Variants in CEP350 observed in about 807,000 individuals in gnomAD.
CEP350 encodes centrosome-associated protein 350.
CEP350 carries 126 observed loss-of-function variants against 331.8 expected under a neutral mutation model. The observed-to-expected ratio is 0.38, with a 90% CI of 0.33 to 0.44. The LOEUF (loss-of-function observed/expected upper bound fraction) is 0.44. CEP350 is among the 20% of genes least tolerant of loss of function. The probability of loss-of-function intolerance (pLI) is 1.00; values close to 1 mark genes in which losing one functional copy is unlikely to be tolerated. For synonymous variants in CEP350, 1,200 were observed against 1,259.5 expected, an observed-to-expected ratio of 0.95 and a Z score of 1.00; for missense variants, 3,406 against 3,634.6, an observed-to-expected ratio of 0.94 and a Z score of 1.62.
Position 180,090,545 on chromosome 1 carries a change from CAA to C in CEP350, c.6426-145_6426-144del, listed in dbSNP as rs36128628. Among the ~76,000 whole-genome samples, 563 of 77,270 alleles carry C rather than the reference CAA, an allele frequency of 7.3e-3. 9 individuals are homozygous for C. The highest frequency in any genetic ancestry group is 0.068 in the South Asian group (142 of 2,094). The allele number at this position is 77,270 out of a possible 152,430, so 50.7% of individuals were successfully genotyped here. A position where few individuals can be genotyped will look rare whatever the true frequency, so the allele number is the denominator to read the frequency against. On this transcript the variant is annotated intron_variant, in intron 32 of 37. Transcript: ENST00000367607. ...TGGGCGACAGAGCGAGACTCCGTCT[CAA>C]AAAAAAAAAAAAAAAAAAAAAAAGA...
intron 24 of CEP350, 83 bp from the exon 25 acceptor site, chr1:180,054,332 T>C: frequency 8.7e-7 from 1 of 1,145,414 alleles, no homozygotes; most frequent in Middle Eastern, 1.9e-4. Flanking sequence ...TTGTAGACTT[T>C]TTAGTAGTCA....
intron 36 of CEP350, among the ~76,000 whole-genome samples, chr1:180,097,217 C>T (rs1660532255): frequency 2.6e-5 from 4 of 152,232 alleles, no homozygotes. Context: ...GGACCACAGC[C>T]ATACCTAGTT....
rs758048025 is a variant in CEP350, at chr1:180,019,991, G to A, written c.2217G>A (p.Leu739=). 6.2e-7 allele frequency: 1 copy of A among 1,612,432 alleles called. No individual in the cohort carries two copies. The highest frequency in any genetic ancestry group is 1.7e-5 in the Admixed American group (1 of 59,738). ...CTACATGGATGCAGCCTGAAAGATT[G>A]AGCCCACAAGTTCACCATTCTCAAC... ...MESTWMQPER[L]SPQVHHSQPQ... The change falls in exon 12 of 38, where the codon TTG becomes TTA. Residue 739 remains leucine, a synonymous_variant. Coordinates refer to ENST00000367607, the MANE Select transcript of CEP350 (RefSeq NM_014810.5).
At chr1:180,076,741 A>C (rs1485566792) in intron 28 of CEP350, among the ~76,000 whole-genome samples, 1 of 152,180 alleles carries the variant, frequency 6.6e-6, no homozygotes, top group African/African-American at 2.4e-5. Context: ...GTGAGCTAAG[A>C]TCATACCACT....
intron 13 of CEP350, 91 bp from the exon 14 acceptor site, chr1:180,024,328 C>A (rs1655525295): frequency 1.7e-6 from 2 of 1,171,480 alleles, no homozygotes; most frequent in Admixed American, 2.4e-5. Context: ...GTTATAGTCT[C>A]CTAGTGATTA....
intron 1 of CEP350, among the ~76,000 whole-genome samples, chr1:179,974,427 G>A (rs1651697701): frequency 6.6e-6 from 1 of 152,098 alleles, no homozygotes; most frequent in Admixed American, 6.6e-5. Context: ...TAATGCTGCC[G>A]TTTGTTCATC....
intron 1 of CEP350, among the ~76,000 whole-genome samples, chr1:179,977,630 C>T (rs1274958714): frequency 2.0e-5 from 3 of 152,030 alleles, no homozygotes; most frequent in Non-Finnish European, 4.4e-5. Context: ...GACAGTAAGC[C>T]TCAGAAAATA....
intron 22 of CEP350, 23 bp downstream of exon 22, chr1:180,048,728 G>A (rs369562086): frequency 1.3e-6 from 2 of 1,575,310 alleles, no homozygotes; most frequent in Non-Finnish European, 1.7e-6. Context: ...GCAAATAAAT[G>A]TGTAATCATT....
At position 180,084,009 on chromosome 1, in the gene CEP350, CTCTT is replaced by C; in HGVS notation, c.6125-6_6125-3del. The C allele has an allele frequency of 7.0e-7, 1 of 1,428,350 alleles. No individual in the cohort carries two copies. The highest frequency in any genetic ancestry group is 9.4e-7 in the Non-Finnish European group (1 of 1,067,470). 88.5% of individuals were successfully genotyped at this position (1,428,350 alleles called of 1,614,324 possible). A position where few individuals can be genotyped will look rare whatever the true frequency, so the allele number is the denominator to read the frequency against. On this transcript the variant is annotated splice_polypyrimidine_tract_variant and splice_region_variant and intron_variant, in intron 30 of 37. Coordinates refer to ENST00000367607, the MANE Select transcript of CEP350 (RefSeq NM_014810.5). ...AAATTATAAATAAAAGATTTTGTAT[CTCTT>C]TCAGAAACTACATCTGACCAGAGTG...
At chr1:179,966,972 C>T (rs1030561342) in intron 1 of CEP350, among the ~76,000 whole-genome samples, 23 of 152,108 alleles carry the variant, frequency 1.5e-4, no homozygotes, top group African/African-American at 5.3e-4. Context: ...ACTTCTGACA[C>T]CATCTATTAA....
Position 180,014,352 on chromosome 1 carries a change from C to T in CEP350, c.1899C>T (p.Tyr633=), listed in dbSNP as rs369264051. 9.9e-5 allele frequency: 157 copies of T among 1,591,710 alleles called. No homozygotes were observed. The highest frequency in any genetic ancestry group is 1.3e-4 in the Non-Finnish European group (148 of 1,168,704). ...EQKNKRLQEL[Y]RKQKEAFTKV... ...AAAACAAACGATTACAAGAGCTCTACCGGAAGCAGAAGGAAGCCTTTACTA... is the reference window on the plus strand; with the variant it reads ...AAAACAAACGATTACAAGAGCTCTATCGGAAGCAGAAGGAAGCCTTTACTA... The change falls in exon 10 of 38, where the codon TAC becomes TAT. Residue 633 remains tyrosine, a synonymous_variant. Transcript: ENST00000367607.
chr1:180,094,660 C>T, intron 34 of CEP350, 44 bp downstream of exon 34: 1 of 1,561,800 alleles, frequency 6.4e-7, no homozygotes, highest in South Asian at 1.2e-5. Context: ...CCTTTTGACA[C>T]TTTTAACAAG....
At chr1:180,099,435 C>T (rs1369384570) in intron 37 of CEP350, among the ~76,000 whole-genome samples, 2 of 152,174 alleles carry the variant, frequency 1.3e-5, no homozygotes, top group Non-Finnish European at 2.9e-5. Context: ...AATAGTTCCT[C>T]ATATACAACT....
intron 25 of CEP350, 90 bp downstream of exon 25, chr1:180,054,592 A>G (rs1657702444): frequency 4.6e-6 from 4 of 874,626 alleles, no homozygotes; most frequent in African/African-American, 1.7e-5. Flanking sequence ...TTTCCTTATC[A>G]TTGCCTTAAA....
intron 36 of CEP350, among the ~76,000 whole-genome samples, chr1:180,097,551 G>GT (rs998244502): frequency 2.0e-5 from 3 of 151,984 alleles, no homozygotes; most frequent in African/African-American, 4.8e-5. Context: ...TAAGAACATT[G>GT]TTTTTTTAAC....
At position 180,094,212 on chromosome 1, in the gene CEP350, G is replaced by A; in HGVS notation, c.8107G>A (p.Glu2703Lys). 6.2e-7 allele frequency: 1 copy of A among 1,613,260 alleles called. No individual in the cohort carries two copies. Among genetic ancestry groups the A allele is most frequent in the South Asian group, 1.1e-5 (1 of 90,976 alleles). ...ELEKQQQFTE[E>K]EDNLYAEASE... The stretch of plus-strand genomic sequence containing the variant: ...GGAGAAGCAACAGCAGTTTACAGAA[G>A]AGGAAGACAACCTATATGCTGAAGC... Residue 2703 changes from glutamate (E) to lysine (K), a missense_variant, in exon 34 of 38, where the codon GAG becomes AAG. Physicochemically the swap from Glu to Lys is moderately conservative, Grantham distance 56. Coordinates refer to ENST00000367607, the MANE Select transcript of CEP350 (RefSeq NM_014810.5).
At chr1:179,989,535 G>A (rs1652900102) in intron 3 of CEP350, among the ~76,000 whole-genome samples, 2 of 150,096 alleles carry the variant, frequency 1.3e-5, no homozygotes, top group Non-Finnish European at 3.0e-5. Context: ...TATATAAAAT[G>A]TCTATATGTG....
intron 1 of CEP350, among the ~76,000 whole-genome samples, chr1:179,985,287 A>G (rs2148662500): frequency 6.6e-6 from 1 of 152,302 alleles, no homozygotes; most frequent in African/African-American, 2.4e-5. Flanking sequence ...TTCACTTAGT[A>G]TAATGTCCTC....
At chr1:180,066,531 C>G (rs145845664) in intron 27 of CEP350, among the ~76,000 whole-genome samples, 73 of 152,216 alleles carry the variant, frequency 4.8e-4, no homozygotes, top group African/African-American at 1.8e-3. Flanking sequence ...TCTGTAGGTG[C>G]AGTTCTATAT....
Sources: gnomAD v4.1 joint callset for allele counts (sites outside exome capture counted in the v4.1 genomes callset) on GRCh38, gnomAD v4.1.1 for gene constraint, MANE v1.5 for transcripts, NCBI Gene and HGNC (gene_info 2026-07-23, HGNC 2026-07-21) for gene names.